CNTN4: variants seen among roughly 807,000 people sequenced by gnomAD.
CNTN4 encodes the protein contactin 4.
CNTN4 carries 77 observed loss-of-function variants against 122.5 expected under a neutral mutation model. The ratio of observed to expected loss-of-function variants is 0.63; its 90% CI spans 0.52 to 0.76. CNTN4 has a LOEUF of 0.76. Ranked by LOEUF, CNTN4 falls within the 30% of genes least tolerant of loss-of-function variation. The probability of loss-of-function intolerance (pLI) is 0.00; values close to 1 mark genes in which losing one functional copy is unlikely to be tolerated. For missense variants in CNTN4, 1,256 were observed against 1,259.1 expected, an observed-to-expected ratio of 1.00 and a Z score of 0.04; for synonymous variants, 512 against 447.0, an observed-to-expected ratio of 1.15 and a Z score of -1.83.
At chr3:2,192,181 A>G (rs2037602025) in intron 2 of CNTN4, among the ~76,000 whole-genome samples, 1 of 152,200 alleles carries the variant, frequency 6.6e-6, no homozygotes, top group South Asian at 2.1e-4. Flanking sequence ...ATAGTGCCAC[A>G]GTAAACATAC....
intron 15 of CNTN4, 105 bp from the exon 16 acceptor site, chr3:3,030,750 T>C (rs1699094097): frequency 8.3e-6 from 11 of 1,331,888 alleles, no homozygotes; most frequent in Non-Finnish European, 1.2e-5. Flanking sequence ...AATGCTTTCA[T>C]CAGCCAGTGT....
At chr3:2,634,967 G>A (rs578204321) in intron 4 of CNTN4, among the ~76,000 whole-genome samples, 1 of 152,244 alleles carries the variant, frequency 6.6e-6, no homozygotes, top group African/African-American at 2.4e-5. Flanking sequence ...TTAGTAGAAA[G>A]ACCTGGTATG....
chr3:2,992,028 C>T lies in CNTN4; in HGVS notation c.1486+3556C>T, dbSNP rs562674006. Among the ~76,000 whole-genome samples the T allele has an allele frequency of 1.8e-4, 27 of 152,288 alleles. 1 individual carries two copies. Among genetic ancestry groups the T allele is most frequent in the Admixed American group, 1.2e-3 (19 of 15,304 alleles). ...TTAACCATGCTTTCAAAATCCAATT[C>T]TCTTTCTCCCTACCCTTGCCCCCAT... On this transcript the variant is annotated intron_variant, in intron 14 of 24. Coordinates refer to ENST00000418658, the MANE Select transcript of CNTN4 (RefSeq NM_175607.3).
intron 3 of CNTN4, among the ~76,000 whole-genome samples, chr3:2,466,366 G>A (rs751229271): frequency 2.0e-5 from 3 of 152,094 alleles, no homozygotes; most frequent in South Asian, 2.1e-4. Flanking sequence ...AGTGTTTGTC[G>A]CTGCTCTTAA....
At chr3:2,946,255 G>A (rs2094677000) in intron 13 of CNTN4, among the ~76,000 whole-genome samples, 1 of 152,164 alleles carries the variant, frequency 6.6e-6, no homozygotes, top group Admixed American at 6.5e-5. Context: ...CAATAGGAGT[G>A]TATGAGAATC....
intron 13 of CNTN4, among the ~76,000 whole-genome samples, chr3:2,983,010 C>G (rs999570314): frequency 2.6e-5 from 4 of 151,480 alleles, no homozygotes; most frequent in East Asian, 1.9e-4. Flanking sequence ...GTCAGGAGAT[C>G]GAGACCATCC....
At chr3:2,521,729 C>A (rs1183078985) in intron 3 of CNTN4, among the ~76,000 whole-genome samples, 2 of 152,062 alleles carry the variant, frequency 1.3e-5, no homozygotes, top group African/African-American at 4.8e-5. Context: ...AGTCTATTGA[C>A]TTTTCTCTCC....
At chr3:2,847,050 T>A (rs1449699625) in intron 7 of CNTN4, among the ~76,000 whole-genome samples, 1 of 152,106 alleles carries the variant, frequency 6.6e-6, no homozygotes, top group Non-Finnish European at 1.5e-5. Flanking sequence ...ATATGTCCAT[T>A]CCTGTTCTTA....
At chr3:2,217,035 C>T (rs1163558594) in intron 2 of CNTN4, among the ~76,000 whole-genome samples, 2 of 152,170 alleles carry the variant, frequency 1.3e-5, no homozygotes, top group Admixed American at 6.5e-5. Flanking sequence ...TCTTTCTACT[C>T]TATCTCAGCT....
chr3:2,959,843 G>A (rs995525805), intron 13 of CNTN4, among the ~76,000 whole-genome samples: 2 of 152,128 alleles, frequency 1.3e-5, no homozygotes, highest in Non-Finnish European at 2.9e-5. Context: ...ATAAGAAAAT[G>A]TTAAAACCAG....
chr3:2,515,066 C>G (rs1032131740), intron 3 of CNTN4, among the ~76,000 whole-genome samples: 3 of 151,998 alleles, frequency 2.0e-5, no homozygotes, highest in Admixed American at 6.6e-5. Flanking sequence ...ACTTTAGAAA[C>G]GAGGTTCGGA....
intron 2 of CNTN4, among the ~76,000 whole-genome samples, chr3:2,115,242 T>G (rs578183941): frequency 2.5e-4 from 38 of 152,336 alleles, no homozygotes; most frequent in African/African-American, 8.7e-4. Context: ...AGATGTATGC[T>G]TTTTACTGTG....
chr3:2,238,895 T>TA (rs1464600631), intron 2 of CNTN4: 1 of 103,664 alleles, frequency 9.6e-6, no homozygotes, highest in Non-Finnish European at 2.1e-5. Context: ...CCTGGCTAAT[T>TA]TTTGTATTTT....
At chr3:2,989,577 T>C (rs181854341) in intron 14 of CNTN4, among the ~76,000 whole-genome samples, 1 of 152,198 alleles carries the variant, frequency 6.6e-6, no homozygotes, top group South Asian at 2.1e-4. Flanking sequence ...TTTTGGGAAG[T>C]CTTTTTATCA....
intron 2 of CNTN4, among the ~76,000 whole-genome samples, chr3:2,309,976 A>T (rs2042855787): frequency 6.6e-6 from 1 of 152,138 alleles, no homozygotes; most frequent in Non-Finnish European, 1.5e-5. Flanking sequence ...TGTATTAAAT[A>T]CTTTATGGTA....
intron 4 of CNTN4, among the ~76,000 whole-genome samples, chr3:2,603,651 G>A (rs556588175): frequency 6.6e-6 from 1 of 152,248 alleles, no homozygotes; most frequent in Admixed American, 6.5e-5. Context: ...TCTTATCCTT[G>A]AAAACAAAGT....
chr3:2,392,598 G>T (rs568181458), intron 3 of CNTN4, among the ~76,000 whole-genome samples: 8 of 152,076 alleles, frequency 5.3e-5, no homozygotes, highest in Non-Finnish European at 1.2e-4. Flanking sequence ...ATTAAATCAG[G>T]ATAATTAGCA....
chr3:2,174,012 C>T (rs1021204894), intron 2 of CNTN4, among the ~76,000 whole-genome samples: 18 of 152,104 alleles, frequency 1.2e-4, no homozygotes, highest in African/African-American at 4.3e-4. Flanking sequence ...GAAGTTTTTG[C>T]ATCCCTCTAG....
chr3:2,185,598 G>A (rs1363636971), intron 2 of CNTN4, among the ~76,000 whole-genome samples: 1 of 152,066 alleles, frequency 6.6e-6, no homozygotes, highest in African/African-American at 2.4e-5. Context: ...AAATTTTCTG[G>A]GTCAGTGGGC....
Sources: gnomAD v4.1 joint callset for allele counts (sites outside exome capture counted in the v4.1 genomes callset) on GRCh38, gnomAD v4.1.1 for gene constraint, MANE v1.5 for transcripts, NCBI Gene and HGNC (gene_info 2026-07-23, HGNC 2026-07-21) for gene names.